SUPT3H: variants seen among roughly 807,000 people sequenced by gnomAD.
SUPT3H encodes the protein SPT3 homolog, SAGA and STAGA complex component.
In SUPT3H, 44 loss-of-function variants were observed where a neutral mutation model predicts 44.3. The ratio of observed to expected loss-of-function variants is 0.99; its 90% confidence interval spans 0.78 to 1.28. The LOEUF (loss-of-function observed/expected upper bound fraction) is 1.28, where lower values mean the gene tolerates loss of function less well. Ranked by LOEUF, SUPT3H falls within the 50% of genes most tolerant of loss-of-function variation. SUPT3H has a pLI of 0.00. For synonymous variants in SUPT3H, 124 were observed against 125.6 expected (o/e 0.99, Z 0.09); for missense variants, 380 against 387.1 (o/e 0.98, Z 0.15).
chr6:44,932,804 C>T lies in SUPT3H; in HGVS notation c.802-41G>A, dbSNP rs761255560. On this transcript the variant is annotated intron_variant, in intron 9 of 10. Transcript: ENST00000371459. ...ACATAAATTGTTACTAAATCAAAAACACGCAACAGAACTACAGTGTATAAA... is the reference window on the plus strand; with the variant it reads ...ACATAAATTGTTACTAAATCAAAAATACGCAACAGAACTACAGTGTATAAA... 1.6e-5 allele frequency: 22 copies of T among 1,371,650 alleles called. No homozygotes were observed. In the South Asian group the frequency reaches 2.2e-4, roughly 14 times the overall value. 85.0% of individuals were successfully genotyped at this position (1,371,650 alleles called of 1,614,324 possible).
chr6:44,841,822 A>ACAAGTATT (rs1346608143), intron 10 of SUPT3H, among the ~76,000 whole-genome samples: 1 of 152,204 alleles, frequency 6.6e-6, no homozygotes, highest in African/African-American at 2.4e-5. Flanking sequence ...TCACTCATTT[A>ACAAGTATT]CAAGTATTTA....
At chr6:45,201,630 A>G (rs1762470080) in intron 2 of SUPT3H, among the ~76,000 whole-genome samples, 1 of 151,924 alleles carries the variant, frequency 6.6e-6, no homozygotes, top group African/African-American at 2.4e-5. Flanking sequence ...GGATTATAGT[A>G]AATGTACTTC....
chr6:45,214,068 G>A (rs1764617368), intron 2 of SUPT3H, among the ~76,000 whole-genome samples: 1 of 133,280 alleles, frequency 7.5e-6, no homozygotes, highest in Non-Finnish European at 1.6e-5. Context: ...TTAACTCCAG[G>A]AAGAGATTTT....
intron 3 of SUPT3H, among the ~76,000 whole-genome samples, chr6:45,042,689 C>T (rs946977825): frequency 2.6e-5 from 4 of 152,012 alleles, no homozygotes; most frequent in African/African-American, 7.3e-5. Context: ...GTCAGTGTGG[C>T]GATTCCTCAG....
chr6:45,263,692 A>G (rs1184830049), intron 2 of SUPT3H, among the ~76,000 whole-genome samples: 2 of 152,084 alleles, frequency 1.3e-5, no homozygotes, highest in African/African-American at 4.8e-5. Context: ...AATGTAAAAA[A>G]CGGACTTGCT....
intron 2 of SUPT3H, among the ~76,000 whole-genome samples, chr6:45,284,046 G>T (rs376244447): frequency 6.6e-6 from 1 of 152,056 alleles, no homozygotes; most frequent in Non-Finnish European, 1.5e-5. Context: ...TGAAACCAAC[G>T]AGAACAAAGA....
At chr6:45,234,516 A>G (rs1853652) in intron 2 of SUPT3H, among the ~76,000 whole-genome samples, 129,280 of 147,694 alleles carry the variant, frequency 0.88, 56,727 homozygotes, top group African/African-American at 0.92. Context: ...GGGAGACAGA[A>G]CGAGACGCTG....
At chr6:44,816,553 C>T (rs573293968) in intron 11 of SUPT3H, among the ~76,000 whole-genome samples, 5 of 145,640 alleles carry the variant, frequency 3.4e-5, no homozygotes, top group African/African-American at 7.7e-5. Context: ...GTGAATTCTA[C>T]GGAATTTTAA....
chr6:44,888,144 G>A (rs1319594707), intron 10 of SUPT3H, among the ~76,000 whole-genome samples: 5 of 152,124 alleles, frequency 3.3e-5, no homozygotes, highest in African/African-American at 4.8e-5. Flanking sequence ...ACCAAAAAGT[G>A]TCCAGGACCA....
At chr6:45,176,681 C>T (rs1167201183) in intron 2 of SUPT3H, among the ~76,000 whole-genome samples, 1 of 152,202 alleles carries the variant, frequency 6.6e-6, no homozygotes, top group Non-Finnish European at 1.5e-5. Flanking sequence ...CCCTGTCTGA[C>T]AGCTTTGAAG....
At chr6:44,924,474 T>C (rs1769220885) in intron 10 of SUPT3H, among the ~76,000 whole-genome samples, 1 of 152,116 alleles carries the variant, frequency 6.6e-6, no homozygotes, top group Admixed American at 6.6e-5. Flanking sequence ...CTACAGAATT[T>C]AGTTTAGGAA....
chr6:45,306,666 T>C (rs1381444900), intron 2 of SUPT3H, among the ~76,000 whole-genome samples: 2 of 152,122 alleles, frequency 1.3e-5, no homozygotes, highest in Non-Finnish European at 2.9e-5. Context: ...GGTTCCAAGA[T>C]GGCCGAATAG....
chr6:45,019,215 A>G (rs1273994965), intron 4 of SUPT3H, among the ~76,000 whole-genome samples: 7 of 151,626 alleles, frequency 4.6e-5, no homozygotes, highest in African/African-American at 1.2e-4. Flanking sequence ...ATTTTTTATT[A>G]TGTCTATTTG....
intron 2 of SUPT3H, among the ~76,000 whole-genome samples, chr6:45,180,589 A>T (rs944946879): frequency 1.8e-4 from 27 of 151,728 alleles, no homozygotes; most frequent in Non-Finnish European, 2.8e-4. Flanking sequence ...CTGATCTTTG[A>T]CAAACCTGAG....
chr6:44,960,297 C>G (rs1775825016), intron 7 of SUPT3H, among the ~76,000 whole-genome samples: 1 of 151,154 alleles, frequency 6.6e-6, no homozygotes, highest in Non-Finnish European at 1.5e-5. Flanking sequence ...GTCCCAGCTA[C>G]TCAGGAGGTT....
At chr6:44,831,852 C>T (rs772709306) in intron 10 of SUPT3H, among the ~76,000 whole-genome samples, 1 of 152,046 alleles carries the variant, frequency 6.6e-6, no homozygotes, top group East Asian at 1.9e-4. Context: ...TTTGAAAGAT[C>T]GATTCACCTT....
At chr6:45,176,967 G>GA (rs1812052091) in intron 2 of SUPT3H, among the ~76,000 whole-genome samples, 1 of 152,138 alleles carries the variant, frequency 6.6e-6, no homozygotes, top group South Asian at 2.1e-4. Context: ...CAAAGATGGG[G>GA]AAAAAACAGA....
intron 7 of SUPT3H, among the ~76,000 whole-genome samples, chr6:44,956,682 T>C (rs1034881413): frequency 1.3e-5 from 2 of 152,024 alleles, no homozygotes; most frequent in African/African-American, 4.8e-5. Flanking sequence ...TTAAGATATT[T>C]CCCTATTAAA....
chr6:44,989,626 C>T (rs778711420), intron 6 of SUPT3H, among the ~76,000 whole-genome samples: 3 of 152,066 alleles, frequency 2.0e-5, no homozygotes, highest in Admixed American at 6.6e-5. Flanking sequence ...CCACAAATAA[C>T]GTACAAAGGT....
Sources: allele counts gnomAD v4.1 joint callset (sites outside exome capture counted in the v4.1 genomes callset), GRCh38; gene constraint gnomAD v4.1.1; transcripts MANE v1.5; gene names NCBI Gene and HGNC (gene_info 2026-07-23, HGNC 2026-07-21).